PIK3C2G: variants seen among roughly 807,000 people sequenced by gnomAD.
The protein encoded by PIK3C2G is phosphatidylinositol-4-phosphate 3-kinase catalytic subunit type 2 gamma, also known as phosphatidylinositol 3-kinase C2 domain-containing subunit gamma.
Under a neutral mutation model 181.1 loss-of-function variants are expected in PIK3C2G, and 168 were observed. The observed-to-expected ratio is 0.93, with a 90% CI of 0.82 to 1.05. The LOEUF is 1.05. Ranked by LOEUF, PIK3C2G falls within the 50% of genes least tolerant of loss-of-function variation. PIK3C2G has a pLI of 0.00. For synonymous variants in PIK3C2G, 573 were observed against 592.2 expected (o/e 0.97, Z 0.47); for missense variants, 1,869 against 1,732.8 (o/e 1.08, Z -1.40).
downstream of PIK3C2G, among the ~76,000 whole-genome samples, chr12:18,648,754 G>A (rs507086): frequency 0.17 from 25,321 of 151,930 alleles, 2,619 homozygotes; most frequent in African/African-American, 0.29. Flanking sequence ...TTATTTTCCT[G>A]CTTCTGAACC....
At chr12:18,430,779 G>C (rs189842513) in intron 18 of PIK3C2G, among the ~76,000 whole-genome samples, 1 of 152,224 alleles carries the variant, frequency 6.6e-6, no homozygotes, top group Non-Finnish European at 1.5e-5. Context: ...ACCAAGACAG[G>C]AGTTAGGGCC....
the PIK3C2G span, among the ~76,000 whole-genome samples, chr12:18,661,799 A>G: frequency 6.6e-6 from 1 of 152,152 alleles, no homozygotes; most frequent in African/African-American, 2.4e-5. Context: ...TACACACCCA[A>G]AGGAATATAA....
intron 18 of PIK3C2G, among the ~76,000 whole-genome samples, chr12:18,482,175 G>A (rs918320114): frequency 2.8e-4 from 4 of 14,536 alleles, no homozygotes; most frequent in East Asian, 2.3e-3. Flanking sequence ...CGCCACCCTC[G>A]CACCCCTAGA....
At chr12:18,570,012 A>G (rs1421515521) in intron 29 of PIK3C2G, among the ~76,000 whole-genome samples, 1 of 152,072 alleles carries the variant, frequency 6.6e-6, no homozygotes, top group African/African-American at 2.4e-5. Context: ...CCTTTGCTCT[A>G]TCATGTCTTC....
the PIK3C2G span, among the ~76,000 whole-genome samples, chr12:18,692,028 T>A: frequency 6.6e-6 from 1 of 152,118 alleles, no homozygotes; most frequent in Non-Finnish European, 1.5e-5. Context: ...TCCTGTGGTA[T>A]TACGATGGTG....
At chr12:18,374,783 T>C (rs1202982805) in intron 13 of PIK3C2G, among the ~76,000 whole-genome samples, 1 of 152,162 alleles carries the variant, frequency 6.6e-6, no homozygotes, top group Non-Finnish European at 1.5e-5. Flanking sequence ...GGTCCTGTCC[T>C]CGAGATAGTG....
chr12:18,704,964 T>C, the PIK3C2G span, among the ~76,000 whole-genome samples: 1 of 152,106 alleles, frequency 6.6e-6, no homozygotes, highest in Non-Finnish European at 1.5e-5. Context: ...TGTATGTATA[T>C]ATATATAAAT....
At chr12:18,603,798 G>A (rs901053313) in intron 30 of PIK3C2G, among the ~76,000 whole-genome samples, 3 of 152,116 alleles carry the variant, frequency 2.0e-5, no homozygotes, top group Non-Finnish European at 2.9e-5. Flanking sequence ...GAAAGATACA[G>A]TCTTTTTCAG....
intron 30 of PIK3C2G, among the ~76,000 whole-genome samples, chr12:18,602,926 A>C (rs1388333479): frequency 6.6e-6 from 1 of 152,164 alleles, no homozygotes; most frequent in African/African-American, 2.4e-5. Context: ...ATGAGAAGGA[A>C]CCAGAAAACC....
chr12:18,649,925 C>G (rs1950344480), downstream of PIK3C2G, among the ~76,000 whole-genome samples: 1 of 152,072 alleles, frequency 6.6e-6, no homozygotes, highest in South Asian at 2.1e-4. Context: ...CTCCTCTCCA[C>G]CACCTCCAGT....
At chr12:18,445,742 A>T (rs1459219412) in intron 18 of PIK3C2G, among the ~76,000 whole-genome samples, 2 of 152,230 alleles carry the variant, frequency 1.3e-5, no homozygotes, top group Non-Finnish European at 2.9e-5. Flanking sequence ...TATTTACTTT[A>T]GAAAGCACTC....
intron 30 of PIK3C2G, among the ~76,000 whole-genome samples, chr12:18,595,359 G>T (rs1460554561): frequency 1.3e-5 from 2 of 152,052 alleles, no homozygotes; most frequent in Non-Finnish European, 2.9e-5. Context: ...TCATTCGAGT[G>T]TATTAAAGTG....
At chr12:18,635,894 T>C (rs1179034142) in intron 31 of PIK3C2G, among the ~76,000 whole-genome samples, 1 of 152,120 alleles carries the variant, frequency 6.6e-6, no homozygotes, top group Non-Finnish European at 1.5e-5. Context: ...TCTTTCTTGG[T>C]TGTAGGAGAA....
intron 30 of PIK3C2G, among the ~76,000 whole-genome samples, chr12:18,601,064 A>C (rs542395424): frequency 1.3e-5 from 2 of 152,138 alleles, no homozygotes; most frequent in South Asian, 4.1e-4. Context: ...ATTCTAAATA[A>C]AATATTAGCC....
At chr12:18,641,271 G>A (rs1949823951) in intron 32 of PIK3C2G, among the ~76,000 whole-genome samples, 1 of 152,086 alleles carries the variant, frequency 6.6e-6, no homozygotes, top group Non-Finnish European at 1.5e-5. Context: ...CACATGATCT[G>A]CTTTCCCTTC....
chr12:18,276,872 G>T (rs1156697085), intron 1 of PIK3C2G, among the ~76,000 whole-genome samples: 7 of 152,182 alleles, frequency 4.6e-5, no homozygotes, highest in Non-Finnish European at 1.0e-4. Context: ...GAGAATAAAT[G>T]ATGGCTTTGA....
chr12:18,629,507 G>C (rs1255613929), intron 31 of PIK3C2G, among the ~76,000 whole-genome samples: 1 of 152,158 alleles, frequency 6.6e-6, no homozygotes, highest in African/African-American at 2.4e-5. Context: ...CTAAAAGAAA[G>C]TGAGGAGGAT....
chr12:18,490,941 T>C (rs866045972), intron 19 of PIK3C2G, among the ~76,000 whole-genome samples: 4 of 152,224 alleles, frequency 2.6e-5, no homozygotes, highest in African/African-American at 7.2e-5. Flanking sequence ...TATTTGTTCC[T>C]ACATATTATC....
intron 11 of PIK3C2G, among the ~76,000 whole-genome samples, chr12:18,348,504 T>A (rs1939901594): frequency 6.6e-6 from 1 of 152,072 alleles, no homozygotes; most frequent in African/African-American, 2.4e-5. Flanking sequence ...TCTGCAAATG[T>A]TCCTATAATC....
Sources: allele counts gnomAD v4.1 joint callset (sites outside exome capture counted in the v4.1 genomes callset), GRCh38; gene constraint gnomAD v4.1.1; transcripts MANE v1.5; gene names NCBI Gene and HGNC (gene_info 2026-07-23, HGNC 2026-07-21).